The following ASIC1 variants were observed in gnomAD, a reference collection of about 807,000 sequenced individuals.
The protein encoded by ASIC1 is acid-sensing ion channel 1.
Under a neutral mutation model 63.4 loss-of-function variants are expected in ASIC1, and 21 were observed. The observed-to-expected ratio is 0.33, with a 90% confidence interval of 0.23 to 0.48. ASIC1 has a LOEUF of 0.48. Among genes scored for constraint, ASIC1 ranks in the 20% least tolerant of loss-of-function variants. The probability of loss-of-function intolerance (pLI) is 0.99; values close to 1 mark genes in which losing one functional copy is unlikely to be tolerated. For synonymous variants in ASIC1, 258 were observed against 278.2 expected (o/e 0.93, Z 0.72); for missense variants, 478 against 695.5 (o/e 0.69, Z 3.52).
At chr12:50,071,503 C>T (rs1015548875) in intron 3 of ASIC1, among the ~76,000 whole-genome samples, 5 of 151,558 alleles carry the variant, frequency 3.3e-5, no homozygotes, top group African/African-American at 9.7e-5. Context: ...AGGATGGTCT[C>T]GATCTCCTGA....
In ASIC1 at chr12:50,059,860, G is replaced by T. The variant is rs766103987; in HGVS notation, c.464G>T (p.Arg155Leu). The part of the protein sequence containing the change: ...RSFKPKPFNM[R>L]EFYDRAGHDI... ...TTCAAACCCAAACCCTTCAACATGC[G>T]TGAGTTCTACGACCGAGCTGGGCAC... Residue 155 changes from arginine (R) to leucine (L), a missense_variant, in exon 3 of 12, where the codon CGT becomes CTT. Physicochemically the swap from Arg to Leu is moderately radical, Grantham distance 102. This residue lies in a region of ASIC1 where 290 missense variants were observed against 414.9 expected (regional missense o/e 0.70). Coordinates refer to ENST00000447966, the MANE Select transcript of ASIC1 (RefSeq NM_001095.4). This position sits in a 1 kb window ranked among gnomAD's most constrained non-coding sequence, Gnocchi z 4.6. 2.5e-6 allele frequency: 4 copies of T among 1,614,204 alleles called. No individual in the cohort carries two copies. Among genetic ancestry groups the T allele is most frequent in the African/African-American group, 1.3e-5 (1 of 75,048 alleles).
intron 7 of ASIC1, among the ~76,000 whole-genome samples, chr12:50,079,217 G>A (rs1171038582): frequency 1.3e-5 from 2 of 152,168 alleles, no homozygotes; most frequent in East Asian, 3.9e-4. Context: ...TTCGAGACCA[G>A]CCTGGTTTCA....
chr12:50,079,022 G>T (rs906961652), intron 7 of ASIC1, 42 bp downstream of exon 7: 3 of 1,596,366 alleles, frequency 1.9e-6, no homozygotes, highest in Admixed American at 1.7e-5. Context: ...GAGGGAAAAG[G>T]TGCTGCCAGC....
chr12:50,081,401 G>A (rs768534680), intron 11 of ASIC1, 37 bp downstream of exon 11: 1 of 1,552,470 alleles, frequency 6.4e-7, no homozygotes, highest in South Asian at 1.2e-5. Context: ...CAGCCCGCCT[G>A]TGCCTCCACC....
intron 3 of ASIC1, among the ~76,000 whole-genome samples, chr12:50,066,330 A>G (rs1247872982): frequency 6.6e-6 from 1 of 152,082 alleles, no homozygotes; most frequent in African/African-American, 2.4e-5. Context: ...CTGACTTCAG[A>G]TCTTCTAAGT....
At position 50,074,061 on chromosome 12, in the gene ASIC1, C is replaced by T. The variant is rs1199546087; in HGVS notation, c.559-3152C>T. On this transcript the variant is annotated intron_variant, in intron 3 of 11. Transcript: ENST00000447966. This position sits in a 1 kb window ranked among gnomAD's most constrained non-coding sequence, Gnocchi z 4.2. ...ACCCTGACTTGCTTTATTTGGCCCC[C>T]ATGCTGGGACTGGATGAAAGTGATG... 1 of 1,534,810 alleles carries T rather than the reference C, an allele frequency of 6.5e-7. No homozygotes were observed. Among genetic ancestry groups the T allele is most frequent in the Admixed American group, 2.0e-5 (1 of 50,892 alleles).
intron 3 of ASIC1, among the ~76,000 whole-genome samples, chr12:50,071,834 A>G (rs1260267643): frequency 6.6e-6 from 1 of 152,172 alleles, no homozygotes; most frequent in Admixed American, 6.5e-5. Flanking sequence ...AAGCAGAAGA[A>G]TGGTCAGAGT....
At position 50,081,805 on chromosome 12, in the gene ASIC1, T is replaced by G; in HGVS notation, c.*156T>G. On this transcript the variant is annotated 3_prime_UTR_variant, in exon 12 of 12. Coordinates refer to ENST00000447966, the MANE Select transcript of ASIC1 (RefSeq NM_001095.4). ...TAAGGAAGGAGTCTTGACCATAGAG[T>G]CCTCTCTCTGCCTCTATCCCATTCT... The G allele has an allele frequency of 1.6e-6, 1 of 641,216 alleles. No homozygotes were observed. Among genetic ancestry groups the G allele is most frequent in the Non-Finnish European group, 2.7e-6 (1 of 371,646 alleles). 39.7% of individuals were successfully genotyped at this position (641,216 alleles called of 1,614,324 possible). A position where few individuals can be genotyped will look rare whatever the true frequency, so the allele number is the denominator to read the frequency against.
intron 8 of ASIC1, 148 bp from the exon 9 acceptor site, chr12:50,080,350 A>C: frequency 2.4e-6 from 2 of 840,122 alleles, no homozygotes; most frequent in Non-Finnish European, 3.8e-6. Flanking sequence ...CATCTCATTT[A>C]ATCCTAAAAG....
In ASIC1 at chr12:50,081,240, C is replaced by T; in HGVS notation, c.1378-20C>T. The T allele has an allele frequency of 6.2e-7, 1 of 1,604,696 alleles. No individual in the cohort carries two copies. The highest frequency in any genetic ancestry group is 8.5e-7 in the Non-Finnish European group (1 of 1,175,820). Reference sequence around the variant, plus strand: ...TGGGGGCGGGGTCCAGCCCGCCCACCTGCCCCGTCCCCGTCCTAGGTCATT... The same window carrying T: ...TGGGGGCGGGGTCCAGCCCGCCCACTTGCCCCGTCCCCGTCCTAGGTCATT... On this transcript the variant is annotated intron_variant, in intron 10 of 11. Transcript: ENST00000447966.
chr12:50,068,890 G>T (rs1028351863), intron 3 of ASIC1, among the ~76,000 whole-genome samples: 2 of 152,096 alleles, frequency 1.3e-5, no homozygotes, highest in Non-Finnish European at 2.9e-5. Context: ...CCACGGCAAT[G>T]GCTCCTCGAC....
chr12:50,069,013 G>A (rs1054264635), intron 3 of ASIC1, among the ~76,000 whole-genome samples: 1 of 152,098 alleles, frequency 6.6e-6, no homozygotes, highest in African/African-American at 2.4e-5. Flanking sequence ...TTGTCCCTCA[G>A]CCAGAATCCT....
rs565281689 is a variant in ASIC1 at position 50,081,866 on chromosome 12, A to G, written c.*217A>G. The G allele has an allele frequency of 1.1e-4, 64 of 571,254 alleles. No individual in the cohort carries two copies. The South Asian group carries it at 1.2e-3, about 11-fold the overall frequency. 35.4% of individuals were successfully genotyped at this position (571,254 alleles called of 1,614,324 possible). On this transcript the variant is annotated 3_prime_UTR_variant, in exon 12 of 12. Transcript: ENST00000447966. ...AACAAAACTAATCTAAAAAAGAACT[A>G]AAAAGGGAGAACGGGGCAAGGGACC... is the stretch of plus-strand genomic sequence containing the variant.
intron 3 of ASIC1, among the ~76,000 whole-genome samples, chr12:50,071,445 T>G (rs1315512273): frequency 3.4e-5 from 5 of 148,400 alleles, no homozygotes; most frequent in Non-Finnish European, 4.5e-5. Flanking sequence ...TTTTTTTGGT[T>G]TTTTTTTTTT....
In ASIC1 at chr12:50,077,142, G is replaced by A; in HGVS notation, c.559-71G>A. The A allele has an allele frequency of 5.0e-6, 8 of 1,608,624 alleles. No individual in the cohort carries two copies. The South Asian group carries it at 8.9e-5, about 18-fold the overall frequency. On this transcript the variant is annotated intron_variant, in intron 3 of 11. Transcript: ENST00000447966. ...GTGTTGAGATTCCAACAGCTGGGGT[G>A]GCTAGGAACAGCCCTTGGTGAGTAG...
intron 9 of ASIC1, chr12:50,080,893 A>G (rs1348433410): frequency 4.8e-6 from 4 of 836,488 alleles, no homozygotes; most frequent in Non-Finnish European, 7.5e-6. Context: ...TTTTTCTTGA[A>G]AAACACCTGC....
At chr12:50,076,998 C>T (rs753239911) in intron 3 of ASIC1, 13 of 773,872 alleles carry the variant, frequency 1.7e-5, no homozygotes, top group South Asian at 7.2e-5. Flanking sequence ...GGAGCTCAGG[C>T]GATGCACCCT....
At chr12:50,079,861 G>C in intron 7 of ASIC1, 41 bp from the exon 8 acceptor site, 1 of 1,563,992 alleles carries the variant, frequency 6.4e-7, no homozygotes, top group Non-Finnish European at 8.7e-7. Flanking sequence ...GCTGGCAGAA[G>C]GGCACCACTC....
At position 50,078,505 on chromosome 12, in the gene ASIC1, A is replaced by G; in HGVS notation, c.922A>G (p.Thr308Ala). The change falls in exon 6 of 12, where the codon ACT (threonine) becomes GCT (alanine). Residue 308 changes from threonine (T) to alanine (A), a missense_variant. By Grantham distance (58) the Thr-to-Ala change is moderately conservative. Around this residue, in one of 3 missense-constraint regions of ASIC1, gnomAD observed 290 missense variants for 414.9 expected, o/e 0.70. Coordinates refer to ENST00000447966, the MANE Select transcript of ASIC1 (RefSeq NM_001095.4). The surrounding 1 kb of genome is among the most constrained non-coding windows in gnomAD (Gnocchi z 6.0). Reference protein sequence around the residue: ...DLDFFDSYSITACRIDCETRY... With the variant: ...DLDFFDSYSIAACRIDCETRY... Reference sequence around the variant, plus strand: ...GGATTTCTTCGACTCCTACAGCATCACTGCCTGCCGCATCGACTGTGAGAC... The same window carrying G: ...GGATTTCTTCGACTCCTACAGCATCGCTGCCTGCCGCATCGACTGTGAGAC... The G allele has an allele frequency of 6.2e-7, 1 of 1,614,052 alleles. No homozygotes were observed. Among genetic ancestry groups the G allele is most frequent in the Non-Finnish European group, 8.5e-7 (1 of 1,179,976 alleles).
Sources: gnomAD v4.1 joint callset for allele counts (sites outside exome capture counted in the v4.1 genomes callset) on GRCh38, gnomAD v4.1.1 for gene constraint, gnomAD v4.1.1 regional missense constraint, Gnocchi (gnomAD v3.1) non-coding constraint, MANE v1.5 for transcripts, NCBI Gene and HGNC (gene_info 2026-07-23, HGNC 2026-07-21) for gene names.